The following DYNC2H1 variants were observed in gnomAD, a reference collection of about 807,000 sequenced individuals.
DYNC2H1 encodes the protein dynein cytoplasmic 2 heavy chain 1.
DYNC2H1 carries 410 observed loss-of-function variants against 570.0 expected under a neutral mutation model. That is an observed-to-expected ratio of 0.72 (90% CI 0.66 to 0.78). DYNC2H1 has a LOEUF of 0.78. Ranked by LOEUF, DYNC2H1 falls within the 30% of genes least tolerant of loss-of-function variation. The pLI is 0.00. For missense variants in DYNC2H1, 4,865 were observed against 5,046.4 expected (o/e 0.96, Z 1.09); for synonymous variants, 1,688 against 1,677.6 (o/e 1.01, Z -0.15).
In DYNC2H1 at chr11:103,115,210, G is replaced by T; in HGVS notation, c.536G>T (p.Trp179Leu). ...ACACCAAGCGATGAGTTCCAGTTTT[G>T]GATAGAACAAGCTCACCGTGGAAAT... ...ILTPSDEFQF[W>L]IEQAHRGNKQ... The change falls in exon 4 of 89, where the codon TGG becomes TTG. Residue 179 changes from tryptophan (W) to leucine (L), a missense_variant. Around this residue, in one of 5 missense-constraint regions of DYNC2H1, gnomAD observed 1,936 missense variants for 1,962.1 expected, o/e 0.99. Transcript: ENST00000375735. The T allele has an allele frequency of 6.2e-7, 1 of 1,610,166 alleles. No homozygotes were observed. The highest frequency in any genetic ancestry group is 1.1e-5 in the South Asian group (1 of 90,100).
rs1938386185 is a variant in DYNC2H1 at position 103,324,802 on chromosome 11, T to C, written c.12039+812T>C. On this transcript the variant is annotated intron_variant, in intron 82 of 88. Transcript: ENST00000375735. The surrounding 1 kb of genome is among the most constrained non-coding windows in gnomAD (Gnocchi z 5.2). ...GAAATCGCCAAACTATTTTCCACAATGGTTGATCTAATTTGCATTCCCACC... is the reference window on the plus strand; with the variant it reads ...GAAATCGCCAAACTATTTTCCACAACGGTTGATCTAATTTGCATTCCCACC... Among the ~76,000 whole-genome samples, 1 of 152,212 alleles carries C rather than the reference T, an allele frequency of 6.6e-6. No individual in the cohort carries two copies. Among genetic ancestry groups the C allele is most frequent in the Non-Finnish European group, 1.5e-5 (1 of 68,042 alleles).
In DYNC2H1 at chr11:103,182,338, A is replaced by C. The variant is rs372280060; in HGVS notation, c.6477+452A>C. Reference sequence around the variant, plus strand: ...TATATATGTCACATATATATGATATATATAAGGTTAAAAACAATATGAAGT... The same window carrying C: ...TATATATGTCACATATATATGATATCTATAAGGTTAAAAACAATATGAAGT... On this transcript the variant is annotated intron_variant, in intron 40 of 88. Coordinates refer to ENST00000375735, the MANE Select transcript of DYNC2H1 (RefSeq NM_001377.3). Among the ~76,000 whole-genome samples the C allele has an allele frequency of 9.3e-5, 14 of 151,346 alleles. No individual in the cohort carries two copies. In the East Asian group the frequency reaches 2.5e-3, roughly 27 times the overall value.
intron 84 of DYNC2H1, among the ~76,000 whole-genome samples, chr11:103,400,194 C>T (rs1942581187): frequency 6.6e-6 from 1 of 152,116 alleles, no homozygotes. Flanking sequence ...ATTCCAAGCT[C>T]CAAGTCCAAC....
rs1945161075 is a variant in DYNC2H1, at chr11:103,465,292, C to T, written c.12649-3297C>T. Among the ~76,000 whole-genome samples the T allele has an allele frequency of 6.6e-6, 1 of 152,198 alleles. No individual in the cohort carries two copies. Among genetic ancestry groups the T allele is most frequent in the African/African-American group, 2.4e-5 (1 of 41,548 alleles). ...TAAAGATATACATTTCAGTCGTGAT[C>T]ACGCAGATAATTTGAGAAGTGGAAA... On this transcript the variant is annotated intron_variant, in intron 87 of 88. Transcript: ENST00000375735. The surrounding 1 kb of genome is among the most constrained non-coding windows in gnomAD (Gnocchi z 4.9).
intron 83 of DYNC2H1, among the ~76,000 whole-genome samples, chr11:103,362,018 A>G (rs776000991): frequency 6.6e-6 from 1 of 151,654 alleles, no homozygotes; most frequent in Non-Finnish European, 1.5e-5. Context: ...GACTAGAGAT[A>G]GGAGATGAGG....
In DYNC2H1 at chr11:103,133,517, A is replaced by G; in HGVS notation, c.1954-38A>G. 1 of 1,539,516 alleles carries G rather than the reference A, an allele frequency of 6.5e-7. No individual in the cohort carries two copies. The highest frequency in any genetic ancestry group is 8.7e-7 in the Non-Finnish European group (1 of 1,151,596). On this transcript the variant is annotated intron_variant, in intron 13 of 88. Coordinates refer to ENST00000375735, the MANE Select transcript of DYNC2H1 (RefSeq NM_001377.3). The surrounding 1 kb of genome is among the most constrained non-coding windows in gnomAD (Gnocchi z 4.8). ...ATATTGAAACTTTTGGAAAAAAGAA[A>G]TACTTATACATACTAAAGGTTATTT... is the stretch of plus-strand genomic sequence containing the variant.
intron 10 of DYNC2H1, 127 bp downstream of exon 10, chr11:103,121,623 A>C: frequency 9.4e-7 from 1 of 1,066,220 alleles, no homozygotes; most frequent in Non-Finnish European, 1.3e-6. Context: ...TCTAATTTTC[A>C]TACAAAATGC....
rs867837030 is a variant in DYNC2H1, at chr11:103,148,552, C to T, written c.2881C>T (p.Gln961Ter). 6.4e-7 allele frequency: 1 copy of T among 1,567,056 alleles called. No homozygotes were observed. The highest frequency in any genetic ancestry group is 8.7e-7 in the Non-Finnish European group (1 of 1,154,498). The change falls in exon 20 of 89, where the codon CAG becomes TAG. Residue 961 changes from glutamine to a stop codon, truncating the protein, a stop_gained. Transcript: ENST00000375735. LOFTEE classifies it high-confidence loss of function. ...TATGGAAGTCTTAACAATTATGCCCCAGTCTGTGGAAGAAATTGGTGATGC... is the reference window on the plus strand; with the variant it reads ...TATGGAAGTCTTAACAATTATGCCCTAGTCTGTGGAAGAAATTGGTGATGC... ...EAMEVLTIMP[Q>*]SVEEIGDANL...
chr11:103,162,645 C>G (rs942437300), intron 29 of DYNC2H1, among the ~76,000 whole-genome samples: 1 of 152,078 alleles, frequency 6.6e-6, no homozygotes, highest in African/African-American at 2.4e-5. Context: ...CATTTTGACC[C>G]TGATTTATTG....
In DYNC2H1 at chr11:103,308,176, C is replaced by T. The variant is rs1867391955; in HGVS notation, c.11493+345C>T. Among the ~76,000 whole-genome samples the T allele has an allele frequency of 2.0e-5, 3 of 152,246 alleles. 1 individual carries two copies. In the South Asian group the frequency reaches 6.2e-4, roughly 32 times the overall value. On this transcript the variant is annotated intron_variant, in intron 78 of 88. Coordinates refer to ENST00000375735, the MANE Select transcript of DYNC2H1 (RefSeq NM_001377.3). ...TTGAAACTCTATGACCATTGAAGAG[C>T]AACTCTTCATTTTGCCCTATCCTCT...
At chr11:103,218,308 T>A (rs1026802984) in intron 55 of DYNC2H1, among the ~76,000 whole-genome samples, 2 of 152,196 alleles carry the variant, frequency 1.3e-5, no homozygotes, top group East Asian at 1.9e-4. Flanking sequence ...TACTGTATGA[T>A]TCCTTTGTAA....
chr11:103,238,748 T>G (rs1308251493), intron 63 of DYNC2H1, among the ~76,000 whole-genome samples: 2 of 152,204 alleles, frequency 1.3e-5, no homozygotes, highest in Non-Finnish European at 2.9e-5. Context: ...ACTATTGAAG[T>G]GCATGTATTG....
Position 103,177,974 on chromosome 11 carries a change from G to A in DYNC2H1, c.6139+154G>A, listed in dbSNP as rs1348840946. 1.3e-5 allele frequency among the ~76,000 whole-genome samples: 2 copies of A among 152,076 alleles called. No homozygotes were observed. The highest frequency in any genetic ancestry group is 1.9e-4 in the East Asian group (1 of 5,178). On this transcript the variant is annotated intron_variant, in intron 38 of 88. Coordinates refer to ENST00000375735, the MANE Select transcript of DYNC2H1 (RefSeq NM_001377.3). This position sits in a 1 kb window ranked among gnomAD's most constrained non-coding sequence, Gnocchi z 4.4. The stretch of plus-strand genomic sequence containing the variant: ...CATTTGATATTTTACTTTGGAGGGG[G>A]CCAAGACATGCTATCATTTTCAGTT...
chr11:103,430,270 T>G (rs1055365278), intron 84 of DYNC2H1, among the ~76,000 whole-genome samples: 1 of 152,146 alleles, frequency 6.6e-6, no homozygotes, highest in Non-Finnish European at 1.5e-5. Flanking sequence ...CACTTAACCT[T>G]TCTCTACATC....
rs1859135916 is a variant in DYNC2H1, at chr11:103,129,029, A to G, written c.1953+24A>G. On this transcript the variant is annotated intron_variant, in intron 13 of 88. Coordinates refer to ENST00000375735, the MANE Select transcript of DYNC2H1 (RefSeq NM_001377.3). This position sits in a 1 kb window ranked among gnomAD's most constrained non-coding sequence, Gnocchi z 4.1. ...AGGTAAATGGGCTTTTAATTTTATT[A>G]TAATTAGATTTTACATGTGAAGTGT... 1 of 1,554,536 alleles carries G rather than the reference A, an allele frequency of 6.4e-7. No individual in the cohort carries two copies. The highest frequency in any genetic ancestry group is 8.8e-7 in the Non-Finnish European group (1 of 1,138,920).
At chr11:103,328,682 T>C (rs1177999940) in intron 82 of DYNC2H1, among the ~76,000 whole-genome samples, 2 of 152,240 alleles carry the variant, frequency 1.3e-5, no homozygotes, top group Non-Finnish European at 2.9e-5. Flanking sequence ...AAGTTGTATC[T>C]ATCTACTGCA....
chr11:103,169,194 G>A (rs1345051910), intron 32 of DYNC2H1, among the ~76,000 whole-genome samples: 2 of 152,038 alleles, frequency 1.3e-5, no homozygotes, highest in African/African-American at 4.8e-5. Flanking sequence ...TCTCAAAAAT[G>A]TACCTTTTCT....
Position 103,234,032 on chromosome 11 carries a change from A to G in DYNC2H1, c.9441-2A>G, listed in dbSNP as rs1180248142. 2 of 1,550,802 alleles carry G rather than the reference A, an allele frequency of 1.3e-6. No homozygotes were observed. The highest frequency in any genetic ancestry group is 1.7e-6 in the Non-Finnish European group (2 of 1,146,516). Reference sequence around the variant, plus strand: ...TTTAATTAAATTTTAATGTTTACATAGATTTCAGAGCAGGACTTCAGAAGC... The same window carrying G: ...TTTAATTAAATTTTAATGTTTACATGGATTTCAGAGCAGGACTTCAGAAGC... On this transcript the variant is annotated splice_acceptor_variant, in intron 60 of 88. Coordinates refer to ENST00000375735, the MANE Select transcript of DYNC2H1 (RefSeq NM_001377.3). LOFTEE classifies it high-confidence loss of function.
At position 103,261,266 on chromosome 11, in the gene DYNC2H1, G is replaced by T. The variant is rs1300314280; in HGVS notation, c.10695+1289G>T. ...CTGGGGGGAAGGGGTGGCTGTGGGC[G>T]CAGCATCAGCAGACTTAAACATTCC... On this transcript the variant is annotated intron_variant, in intron 70 of 88. Transcript: ENST00000375735. This position sits in a 1 kb window ranked among gnomAD's most constrained non-coding sequence, Gnocchi z 4.8. 6.7e-6 allele frequency among the ~76,000 whole-genome samples: 1 copy of T among 149,954 alleles called. No individual in the cohort carries two copies. The highest frequency in any genetic ancestry group is 1.5e-5 in the Non-Finnish European group (1 of 66,836).
Sources: gnomAD v4.1 joint callset for allele counts (sites outside exome capture counted in the v4.1 genomes callset) on GRCh38, gnomAD v4.1.1 for gene constraint, gnomAD v4.1.1 regional missense constraint, Gnocchi (gnomAD v3.1) non-coding constraint, MANE v1.5 for transcripts, NCBI Gene and HGNC (gene_info 2026-07-23, HGNC 2026-07-21) for gene names.